Variants in ESRRG observed in about 807,000 individuals in gnomAD.
ESRRG encodes estrogen-related receptor gamma.
In ESRRG, 13 loss-of-function variants were observed where a neutral mutation model predicts 44.0. The observed-to-expected ratio is 0.30, with a 90% CI of 0.19 to 0.47. ESRRG has a LOEUF of 0.47. ESRRG is among the 20% of genes least tolerant of loss of function. The pLI is 1.00. For missense variants in ESRRG, 395 were observed against 580.6 expected, an observed-to-expected ratio of 0.68 and a Z score of 3.29; for synonymous variants, 215 against 214.6, an observed-to-expected ratio of 1.00 and a Z score of -0.02.
intron 2 of ESRRG, among the ~76,000 whole-genome samples, chr1:216,764,875 A>C (rs1434516194): frequency 6.6e-6 from 1 of 152,016 alleles, no homozygotes; most frequent in Non-Finnish European, 1.5e-5. Flanking sequence ...GAGCAGTGGA[A>C]CTAGTCCACA....
intron 1 of ESRRG, among the ~76,000 whole-genome samples, chr1:216,959,025 A>G (rs1279788804): frequency 6.6e-6 from 1 of 151,984 alleles, no homozygotes; most frequent in African/African-American, 2.4e-5. Context: ...TTTTACACTT[A>G]TTTTTAGTTC....
intron 3 of ESRRG, among the ~76,000 whole-genome samples, chr1:216,626,171 C>A (rs1477699145): frequency 6.6e-6 from 1 of 152,170 alleles, no homozygotes; most frequent in Non-Finnish European, 1.5e-5. Flanking sequence ...GACAATTCTG[C>A]AGTGCTTCAC....
intron 2 of ESRRG, among the ~76,000 whole-genome samples, chr1:216,817,242 T>C (rs1261261765): frequency 3.3e-5 from 5 of 152,140 alleles, no homozygotes; most frequent in Non-Finnish European, 1.5e-5. Flanking sequence ...CAGATGCAAA[T>C]GAACTGCTGA....
At chr1:216,515,356 T>C (rs1228646524) in intron 6 of ESRRG, among the ~76,000 whole-genome samples, 2 of 152,056 alleles carry the variant, frequency 1.3e-5, no homozygotes, top group African/African-American at 2.4e-5. Flanking sequence ...AGGAAAACCA[T>C]ATCTAAAAAG....
In ESRRG at chr1:216,744,991, C is replaced by T. The variant is rs112993359; in HGVS notation, c.-13-67500G>A. On this transcript the variant is annotated intron_variant, in intron 2 of 7. Transcript: ENST00000359162. ...AGAGTAGAAAACAGAGTCTAAAGTT[C>T]CTCAAGAAATTGCTGGCTGAGCCAT... Among the ~76,000 whole-genome samples, 1,229 of 152,272 alleles carry T rather than the reference C, an allele frequency of 8.1e-3. 8 individuals carry two copies. Among genetic ancestry groups the T allele is most frequent in the Non-Finnish European group, 0.014 (941 of 68,016 alleles).
intron 1 of ESRRG, among the ~76,000 whole-genome samples, chr1:217,106,682 G>A (rs976844003): frequency 6.6e-6 from 1 of 152,110 alleles, no homozygotes; most frequent in Admixed American, 6.6e-5. Flanking sequence ...CTGAAGTTCT[G>A]CTGACACGGG....
chr1:216,529,308 T>G (rs910364912), intron 5 of ESRRG, among the ~76,000 whole-genome samples: 1 of 152,176 alleles, frequency 6.6e-6, no homozygotes, highest in Admixed American at 6.5e-5. Context: ...ATATGAACTT[T>G]GTTTTTCCAT....
chr1:216,959,352 A>C (rs1005194977), intron 1 of ESRRG, among the ~76,000 whole-genome samples: 1 of 147,648 alleles, frequency 6.8e-6, no homozygotes, highest in Admixed American at 6.8e-5. Context: ...AGAAAAAAAA[A>C]CACCTAAAAC....
chr1:216,555,117 A>T (rs1285779110), intron 5 of ESRRG, among the ~76,000 whole-genome samples: 1 of 152,102 alleles, frequency 6.6e-6, no homozygotes, highest in African/African-American at 2.4e-5. Flanking sequence ...TTACTTATTC[A>T]CTGAACCTTG....
intron 2 of ESRRG, among the ~76,000 whole-genome samples, chr1:216,848,209 A>C (rs985094408): frequency 1.2e-4 from 18 of 152,246 alleles, no homozygotes; most frequent in African/African-American, 4.1e-4. Context: ...GTAAAAGTAC[A>C]CACTGCACTT....
At position 216,526,152 on chromosome 1, in the gene ESRRG, G is replaced by C. The variant is rs564309673; in HGVS notation, c.863-6731C>G. ...GGATAGTGAGGGGAACTATAACTTTGAGGTCTAGAGATCTGACTACAACCA... is the reference window on the plus strand; with the variant it reads ...GGATAGTGAGGGGAACTATAACTTTCAGGTCTAGAGATCTGACTACAACCA... On this transcript the variant is annotated intron_variant, in intron 5 of 6. Coordinates refer to ENST00000408911, the MANE Select transcript of ESRRG (RefSeq NM_001438.4). 4.6e-5 allele frequency among the ~76,000 whole-genome samples: 7 copies of C among 152,192 alleles called. No individual in the cohort carries two copies. The South Asian group carries it at 1.5e-3, about 32-fold the overall frequency.
intron 1 of ESRRG, among the ~76,000 whole-genome samples, chr1:216,941,215 T>A (rs1335356704): frequency 6.6e-6 from 1 of 152,154 alleles, no homozygotes; most frequent in Non-Finnish European, 1.5e-5. Context: ...CCCACTTAAC[T>A]GACACTAGAG....
chr1:216,779,311 A>T lies in ESRRG; in HGVS notation c.-13-101820T>A, dbSNP rs1269391784. On this transcript the variant is annotated intron_variant, in intron 2 of 7. Transcript: ENST00000359162. ...TTATATTTATATTTATAAACATTAT[A>T]TTTATAAATATAAATATATATTTAT... Among the ~76,000 whole-genome samples, 49 of 73,336 alleles carry T rather than the reference A, an allele frequency of 6.7e-4. 2 individuals carry two copies. Among genetic ancestry groups the T allele is most frequent in the Non-Finnish European group, 1.1e-3 (44 of 41,052 alleles). 48.1% of individuals were successfully genotyped at this position (73,336 alleles called of 152,430 possible). A position where few individuals can be genotyped will look rare whatever the true frequency, so the allele number is the denominator to read the frequency against.
chr1:216,540,398 C>T (rs767689650), intron 5 of ESRRG, among the ~76,000 whole-genome samples: 20 of 151,952 alleles, frequency 1.3e-4, no homozygotes, highest in Non-Finnish European at 2.1e-4. Context: ...GAAGACTAGA[C>T]ATGGCCATAG....
intron 5 of ESRRG, among the ~76,000 whole-genome samples, chr1:216,534,165 C>T (rs1204448726): frequency 1.3e-5 from 2 of 152,094 alleles, no homozygotes; most frequent in African/African-American, 2.4e-5. Flanking sequence ...GGTAGTTGCT[C>T]CCACGAAGGC....
intron 1 of ESRRG, among the ~76,000 whole-genome samples, chr1:217,109,117 T>C (rs770950678): frequency 6.6e-6 from 1 of 152,180 alleles, no homozygotes; most frequent in Non-Finnish European, 1.5e-5. Flanking sequence ...TCTGAGGGAT[T>C]TTGAACAACA....
chr1:216,642,781 T>C (rs1312908020), intron 3 of ESRRG, among the ~76,000 whole-genome samples: 1 of 152,164 alleles, frequency 6.6e-6, no homozygotes, highest in Admixed American at 6.5e-5. Context: ...GGCAGCATAA[T>C]GATACTAGAC....
chr1:217,093,927 G>A (rs1021209806), upstream of ESRRG, among the ~76,000 whole-genome samples: 1 of 151,932 alleles, frequency 6.6e-6, no homozygotes, highest in Non-Finnish European at 1.5e-5. Context: ...CTGTATTCCA[G>A]GCTGGAGTGC....
chr1:217,028,435 A>T (rs2081539673), intron 1 of ESRRG, among the ~76,000 whole-genome samples: 1 of 152,220 alleles, frequency 6.6e-6, no homozygotes, highest in African/African-American at 2.4e-5. Context: ...GCTTTGGAGG[A>T]CAGACATGTC....
Sources: gnomAD v4.1 joint callset for allele counts (sites outside exome capture counted in the v4.1 genomes callset) on GRCh38, gnomAD v4.1.1 for gene constraint, MANE v1.5 for transcripts, NCBI Gene and HGNC (gene_info 2026-07-23, HGNC 2026-07-21) for gene names.